WAC: variants seen among roughly 807,000 people sequenced by gnomAD.
WAC encodes WW domain containing adaptor with coiled-coil.
In WAC, 11 loss-of-function variants were observed where a neutral mutation model predicts 79.6. That is an observed-to-expected ratio of 0.14 (90% confidence interval 0.09 to 0.23). WAC has a LOEUF of 0.23. Ranked by LOEUF, WAC falls within the 10% of genes least tolerant of loss-of-function variation. WAC has a pLI of 1.00. For missense variants in WAC, 728 were observed against 773.5 expected, an observed-to-expected ratio of 0.94 and a Z score of 0.70; for synonymous variants, 304 against 276.9, an observed-to-expected ratio of 1.10 and a Z score of -0.97.
At chr10:28,599,876 C>A (rs1478703603) in intron 7 of WAC, among the ~76,000 whole-genome samples, 1 of 152,070 alleles carries the variant, frequency 6.6e-6, no homozygotes, top group Admixed American at 6.5e-5. Context: ...TATGTATGAT[C>A]ACTTTATTGG....
chr10:28,552,157 A>G (rs1224020698), intron 3 of WAC, among the ~76,000 whole-genome samples: 3 of 152,162 alleles, frequency 2.0e-5, no homozygotes, highest in Admixed American at 2.0e-4. Context: ...TTAAAAATCA[A>G]TACATTATTT....
chr10:28,588,366 A>T (rs992517035), intron 4 of WAC, among the ~76,000 whole-genome samples: 1 of 152,126 alleles, frequency 6.6e-6, no homozygotes, highest in Non-Finnish European at 1.5e-5. Flanking sequence ...TTATTTTGGG[A>T]TGTAAACCTG....
chr10:28,538,325 G>T, intron 3 of WAC: 1 of 333,650 alleles, frequency 3.0e-6, no homozygotes, highest in Non-Finnish European at 6.4e-6. Flanking sequence ...GCTCACGCCG[G>T]AATCTCAGCA....
intron 3 of WAC, among the ~76,000 whole-genome samples, chr10:28,542,088 A>G (rs1014986208): frequency 1.3e-5 from 2 of 152,100 alleles, no homozygotes; most frequent in Non-Finnish European, 2.9e-5. Context: ...TACTCTCTCC[A>G]TACTGGCCCT....
chr10:28,582,427 T>G (rs937763435), intron 3 of WAC, among the ~76,000 whole-genome samples: 2 of 152,220 alleles, frequency 1.3e-5, no homozygotes, highest in Non-Finnish European at 2.9e-5. Flanking sequence ...TTCTATTGAT[T>G]GAAATAATAT....
intron 7 of WAC, among the ~76,000 whole-genome samples, chr10:28,605,570 C>A (rs1397525659): frequency 6.6e-6 from 1 of 152,126 alleles, no homozygotes; most frequent in Non-Finnish European, 1.5e-5. Context: ...ACCTGTAATT[C>A]CCCAAAACTG....
rs75333008 is a variant in WAC, at chr10:28,559,874, G to A, written c.275-23525G>A. On this transcript the variant is annotated intron_variant, in intron 3 of 13. Coordinates refer to ENST00000354911, the MANE Select transcript of WAC (RefSeq NM_016628.5). ...TGAAAGGGTTCACATTCCTCAGATA[G>A]ATGTTTCTTTTCTTTCTCACAAGGG... 3.3e-3 allele frequency among the ~76,000 whole-genome samples: 503 copies of A among 152,304 alleles called. 3 individuals are homozygous for A. Among genetic ancestry groups the A allele is most frequent in the African/African-American group, 0.011 (450 of 41,558 alleles).
chr10:28,540,247 A>T (rs555174067), intron 3 of WAC, among the ~76,000 whole-genome samples: 1 of 152,344 alleles, frequency 6.6e-6, no homozygotes, highest in South Asian at 2.1e-4. Context: ...ATGAGGGAAA[A>T]TTTAATAAAA....
chr10:28,535,403 G>T, intron 2 of WAC, 159 bp from the exon 3 acceptor site: 113 of 687,014 alleles, frequency 1.6e-4, no homozygotes, highest in East Asian at 6.4e-4. Context: ...TAGGTTTTTT[G>T]TCTGAGAAAC....
At chr10:28,538,980 A>C (rs1468628316) in intron 3 of WAC, among the ~76,000 whole-genome samples, 3 of 152,150 alleles carry the variant, frequency 2.0e-5, no homozygotes. Context: ...AAAACTTAAG[A>C]TTACAGCAGG....
rs1841723658 is a variant in WAC, at chr10:28,622,403, T to A, written c.*2797T>A. The A allele has an allele frequency of 8.7e-6, 1 of 114,540 alleles. No homozygotes were observed. Among genetic ancestry groups the A allele is most frequent in the South Asian group, 3.3e-4 (1 of 3,010 alleles). 7.1% of individuals were successfully genotyped at this position (114,540 alleles called of 1,614,324 possible). A position where few individuals can be genotyped will look rare whatever the true frequency, so the allele number is the denominator to read the frequency against. On this transcript the variant is annotated 3_prime_UTR_variant, in exon 14 of 14. Transcript: ENST00000354911. Reference sequence around the variant, plus strand: ...AGTACTGAATAGCCTCTAGGGAACTTGAGTGGCCTTTCCCTCCCCCTGCCC... The same window carrying A: ...AGTACTGAATAGCCTCTAGGGAACTAGAGTGGCCTTTCCCTCCCCCTGCCC...
At chr10:28,543,821 A>G (rs930376196) in intron 3 of WAC, among the ~76,000 whole-genome samples, 8 of 152,216 alleles carry the variant, frequency 5.3e-5, no homozygotes, top group African/African-American at 2.4e-5. Flanking sequence ...TTCTCATGCC[A>G]TAAAATAATT....
chr10:28,573,454 T>G (rs1839084903), intron 3 of WAC, among the ~76,000 whole-genome samples: 1 of 152,208 alleles, frequency 6.6e-6, no homozygotes, highest in Admixed American at 6.5e-5. Context: ...CATATTGTTT[T>G]ACATATCAGT....
rs755455607 is a variant in WAC, at chr10:28,589,721, AAAT to A, written c.382-13_382-11del. The stretch of plus-strand genomic sequence containing the variant: ...AGTATTAACATTTTCTAATTGTAAA[AAAT>A]ATATTTTTAAGCCTTATGATTCTGC... On this transcript the variant is annotated splice_polypyrimidine_tract_variant and intron_variant, in intron 4 of 13. Coordinates refer to ENST00000354911, the MANE Select transcript of WAC (RefSeq NM_016628.5). 1.3e-6 allele frequency: 2 copies of A among 1,526,996 alleles called. No individual in the cohort carries two copies. The highest frequency in any genetic ancestry group is 1.2e-5 in the South Asian group (1 of 84,708). 94.6% of individuals were successfully genotyped at this position (1,526,996 alleles called of 1,614,324 possible).
chr10:28,604,177 C>T (rs56934536), intron 7 of WAC, among the ~76,000 whole-genome samples: 34,321 of 150,002 alleles, frequency 0.23, 4,650 homozygotes, highest in Non-Finnish European at 0.28. Flanking sequence ...AGCTATTCAT[C>T]GTTTTCTTTG....
chr10:28,608,130 T>C, intron 7 of WAC, 56 bp from the exon 8 acceptor site: 1 of 1,599,504 alleles, frequency 6.3e-7, no homozygotes, highest in South Asian at 1.1e-5. Flanking sequence ...CCTTTGATGT[T>C]TGTTCCAATT....
chr10:28,555,515 T>A (rs2132450532), intron 3 of WAC, among the ~76,000 whole-genome samples: 1 of 152,188 alleles, frequency 6.6e-6, no homozygotes, highest in East Asian at 1.9e-4. Context: ...AGTGTTGGGC[T>A]CAACTCTGAA....
intron 6 of WAC, among the ~76,000 whole-genome samples, chr10:28,594,239 A>G (rs551420641): frequency 2.0e-5 from 3 of 152,244 alleles, no homozygotes; most frequent in South Asian, 4.1e-4. Flanking sequence ...CGCTTGATAC[A>G]TTTTGACTAG....
intron 3 of WAC, among the ~76,000 whole-genome samples, chr10:28,541,523 C>T (rs1837050599): frequency 6.7e-6 from 1 of 150,082 alleles, no homozygotes; most frequent in Non-Finnish European, 1.5e-5. Context: ...CCTCCACCCC[C>T]TGGCAAAATC....
Sources: gnomAD v4.1 joint callset for allele counts (sites outside exome capture counted in the v4.1 genomes callset) on GRCh38, gnomAD v4.1.1 for gene constraint, MANE v1.5 for transcripts, NCBI Gene and HGNC (gene_info 2026-07-23, HGNC 2026-07-21) for gene names.